The following USP4 variants were observed in gnomAD, a reference collection of about 807,000 sequenced individuals.
The protein encoded by USP4 is ubiquitin specific peptidase 4.
A neutral mutation model predicts 118.2 loss-of-function variants in USP4; 72 were observed. That is an observed-to-expected ratio of 0.61 (90% confidence interval 0.50 to 0.74). The LOEUF is 0.74. Among genes scored for constraint, USP4 ranks in the 30% least tolerant of loss-of-function variants. The probability of loss-of-function intolerance (pLI) is 0.00; values close to 1 mark genes in which losing one functional copy is unlikely to be tolerated. For missense variants in USP4, 1,037 were observed against 1,185.7 expected, an observed-to-expected ratio of 0.87 and a Z score of 1.84; for synonymous variants, 415 against 440.4, an observed-to-expected ratio of 0.94 and a Z score of 0.72.
intron 2 of USP4, 113 bp from the exon 3 acceptor site, chr3:49,327,929 G>T: frequency 2.6e-6 from 3 of 1,132,564 alleles, no homozygotes; most frequent in Non-Finnish European, 2.5e-6. Context: ...AAAGAAACAG[G>T]AATGAAATTC....
intron 8 of USP4, 83 bp downstream of exon 8, chr3:49,310,537 A>G: frequency 2.6e-6 from 3 of 1,165,340 alleles, no homozygotes; most frequent in South Asian, 2.5e-5. Flanking sequence ...CTCCTGGGAG[A>G]GGATCCACCC....
In USP4 at chr3:49,300,496, G is replaced by A. The variant is rs1203343865; in HGVS notation, c.1483C>T (p.Pro495Ser). Residue 495 changes from proline (P) to serine (S), a missense_variant, in exon 11 of 22, where the codon CCT becomes TCT. Coordinates refer to ENST00000265560, the MANE Select transcript of USP4 (RefSeq NM_003363.4). ...GTAGGTCTGCAGTGAGGGTCAGCAG[G>A]AACCAGGAAAACCTCCATAACTCGA... ...KDRVMEVFLVPADPHCRPTQY... is the reference protein window; with the variant it reads ...KDRVMEVFLVSADPHCRPTQY... The A allele has an allele frequency of 6.2e-7, 1 of 1,614,130 alleles. No homozygotes were observed.
intron 21 of USP4, 30 bp downstream of exon 21, chr3:49,278,784 A>G (rs550686138): frequency 1.5e-5 from 22 of 1,494,094 alleles, no homozygotes; most frequent in Admixed American, 1.9e-5. Context: ...TAACGACATG[A>G]GGAAGAACCA....
chr3:49,339,129 A>G (rs1447372834), intron 1 of USP4, among the ~76,000 whole-genome samples: 3 of 152,224 alleles, frequency 2.0e-5, no homozygotes, highest in Non-Finnish European at 1.5e-5. Flanking sequence ...CTTGGGCAAC[A>G]AGAGTGAAAC....
In USP4 at chr3:49,277,300, G is replaced by T; in HGVS notation, c.*993C>A. ...CAGACAAAAAATCCCGGACCCATAC[G>T]TCCGGTTCCTTAAGGCCTTGCCCAC... On this transcript the variant is annotated 3_prime_UTR_variant, in exon 22 of 22. Transcript: ENST00000265560. 8.2e-7 allele frequency: 1 copy of T among 1,222,500 alleles called. No homozygotes were observed. The highest frequency in any genetic ancestry group is 1.1e-6 in the Non-Finnish European group (1 of 930,878). 75.7% of individuals were successfully genotyped at this position (1,222,500 alleles called of 1,614,324 possible).
In USP4 at chr3:49,292,583, C is replaced by T. The variant is rs748494429; in HGVS notation, c.1899G>A (p.Gln633=). 1 of 1,594,232 alleles carries T rather than the reference C, an allele frequency of 6.3e-7. No homozygotes were observed. Among genetic ancestry groups the T allele is most frequent in the Non-Finnish European group, 8.5e-7 (1 of 1,170,824 alleles). The change falls in exon 15 of 22, where the codon CAG becomes CAA. Residue 633 remains glutamine, a synonymous_variant. Coordinates refer to ENST00000265560, the MANE Select transcript of USP4 (RefSeq NM_003363.4). Reference sequence around the variant, plus strand: ...AGCTGCCAAACTCATCAGGTAAAGGCTGTTTCACATAGCGGCTTCAAAAAG... The same window carrying T: ...AGCTGCCAAACTCATCAGGTAAAGGTTGTTTCACATAGCGGCTTCAAAAAG... ...VCDRISRYVK[Q]PLPDEFGSSP...
intron 15 of USP4, among the ~76,000 whole-genome samples, chr3:49,292,215 G>A (rs2047158823): frequency 6.6e-6 from 1 of 150,788 alleles, no homozygotes; most frequent in Non-Finnish European, 1.5e-5. Context: ...AAGCCCAAGA[G>A]TCTGAAGTAA....
rs2046980906 is a variant in USP4, at chr3:49,278,077, A to G, written c.*216T>C. ...TTCACAGGTTTCACAGAAATTTCTC[A>G]CCACCTGTTTAAAAATAAAAATAAT... On this transcript the variant is annotated 3_prime_UTR_variant, in exon 22 of 22. Coordinates refer to ENST00000265560, the MANE Select transcript of USP4 (RefSeq NM_003363.4). 1.8e-6 allele frequency: 1 copy of G among 557,004 alleles called. No individual in the cohort carries two copies. The allele number at this position is 557,004 out of a possible 1,614,324, so 34.5% of individuals were successfully genotyped here.
At position 49,278,307 on chromosome 3, in the gene USP4, T is replaced by G; in HGVS notation, c.2878A>C (p.Met960Leu). Reference sequence around the variant, plus strand: ...TGGAGTCAGCATTAGTTGGTGTCCATGCTGCAAGCCTCATCATCCCCAAAG... The same window carrying G: ...TGGAGTCAGCATTAGTTGGTGTCCAGGCTGCAAGCCTCATCATCCCCAAAG... ...QGFGDDEACS[M>L]DTN The change falls in exon 22 of 22, where the codon ATG becomes CTG. Residue 960 changes from methionine (M) to leucine (L), a missense_variant. Physicochemically the swap from Met to Leu is conservative, Grantham distance 15. This residue lies in a region of USP4 where 522 missense variants were observed against 592.6 expected (regional missense o/e 0.88). Transcript: ENST00000265560. 6.2e-7 allele frequency: 1 copy of G among 1,613,862 alleles called. No individual in the cohort carries two copies. The highest frequency in any genetic ancestry group is 8.5e-7 in the Non-Finnish European group (1 of 1,180,010).
At chr3:49,281,342 G>C (rs2047021963) in intron 19 of USP4, among the ~76,000 whole-genome samples, 1 of 151,916 alleles carries the variant, frequency 6.6e-6, no homozygotes, top group Admixed American at 6.6e-5. Context: ...TGTAGTCCCA[G>C]CTACTCGGGA....
Position 49,294,407 on chromosome 3 carries a change from C to T in USP4, c.1883G>A (p.Ser628Asn). Residue 628 changes from serine to asparagine, a missense_variant and splice_region_variant, in exon 14 of 22, where the codon AGC becomes AAC. Physicochemically the swap from Ser to Asn is conservative, Grantham distance 46. This residue lies in a region of USP4 where 522 missense variants were observed against 592.6 expected (regional missense o/e 0.88). Coordinates refer to ENST00000265560, the MANE Select transcript of USP4 (RefSeq NM_003363.4). The part of the protein sequence containing the change: ...SLYQAVCDRI[S>N]RYVKQPLPDE... ...ACCAAATCACATTCCTGCCACCAAC[C>T]TGATACGATCACAAACAGCCTGGTA... 1 of 1,610,920 alleles carries T rather than the reference C, an allele frequency of 6.2e-7. No individual in the cohort carries two copies. The highest frequency in any genetic ancestry group is 8.5e-7 in the Non-Finnish European group (1 of 1,178,006).
intron 20 of USP4, among the ~76,000 whole-genome samples, chr3:49,280,542 A>G (rs1395483547): frequency 6.6e-6 from 1 of 150,664 alleles, no homozygotes; most frequent in Non-Finnish European, 1.5e-5. Flanking sequence ...CCTGGGTGAC[A>G]TAACGAGACT....
At position 49,278,258 on chromosome 3, in the gene USP4, T is replaced by G; in HGVS notation, c.*35A>C. 6.2e-6 allele frequency: 10 copies of G among 1,603,732 alleles called. No homozygotes were observed. Among genetic ancestry groups the G allele is most frequent in the Non-Finnish European group, 8.5e-6 (10 of 1,175,758 alleles). On this transcript the variant is annotated 3_prime_UTR_variant, in exon 22 of 22. Transcript: ENST00000265560. The stretch of plus-strand genomic sequence containing the variant: ...AAGATGTTCTCCTGGGGGATTACAC[T>G]GGCGCTACAGGGTGGCAGGATCGTG...
chr3:49,286,031 T>A (rs1233479233), intron 16 of USP4, 67 bp downstream of exon 16: 1 of 1,467,902 alleles, frequency 6.8e-7, no homozygotes, highest in Non-Finnish European at 9.5e-7. Flanking sequence ...GAGTGTCAAG[T>A]GTAAGGATTT....
intron 2 of USP4, among the ~76,000 whole-genome samples, chr3:49,333,700 G>C (rs1353799640): frequency 6.6e-6 from 1 of 152,068 alleles, no homozygotes; most frequent in African/African-American, 2.4e-5. Flanking sequence ...GTCTTACATG[G>C]GCTCCCTTCA....
intron 15 of USP4, among the ~76,000 whole-genome samples, chr3:49,290,244 G>GT (rs2047138597): frequency 6.6e-6 from 1 of 152,044 alleles, no homozygotes; most frequent in South Asian, 2.1e-4. Context: ...GAGACACCCC[G>GT]TCTCTACTAA....
chr3:49,320,539 T>C (rs769842496), intron 6 of USP4, among the ~76,000 whole-genome samples: 2 of 152,342 alleles, frequency 1.3e-5, no homozygotes, highest in African/African-American at 2.4e-5. Flanking sequence ...TTCGAACTCC[T>C]GGGCTCAAGC....
At chr3:49,334,385 A>C (rs2047648633) in intron 2 of USP4, among the ~76,000 whole-genome samples, 1 of 152,242 alleles carries the variant, frequency 6.6e-6, no homozygotes, top group South Asian at 2.1e-4. Context: ...TTCAGGAAAC[A>C]AAGTAAATGA....
In USP4 at chr3:49,318,646, C is replaced by T. The variant is rs760547000; in HGVS notation, c.695+6056G>A. 9 of 984,616 alleles carry T rather than the reference C, an allele frequency of 9.1e-6. No individual in the cohort carries two copies. In the South Asian group the frequency reaches 1.4e-4, roughly 15 times the overall value. 61.0% of individuals were successfully genotyped at this position (984,616 alleles called of 1,614,324 possible). A position where few individuals can be genotyped will look rare whatever the true frequency, so the allele number is the denominator to read the frequency against. On this transcript the variant is annotated intron_variant, in intron 6 of 21. Transcript: ENST00000265560. The stretch of plus-strand genomic sequence containing the variant: ...ACAACCGGCCAGGTGTGGTGGCTCA[C>T]GCCTGTAATCCCAGCACTCTGGGAC...
Sources: gnomAD v4.1 joint callset for allele counts (sites outside exome capture counted in the v4.1 genomes callset) on GRCh38, gnomAD v4.1.1 for gene constraint, gnomAD v4.1.1 regional missense constraint, MANE v1.5 for transcripts, NCBI Gene and HGNC (gene_info 2026-07-23, HGNC 2026-07-21) for gene names.